Variants in NEBL observed in about 807,000 individuals in gnomAD.
NEBL encodes LIM and SH3 protein 2.
A neutral mutation model predicts 140.2 loss-of-function variants in NEBL; 122 were observed. The ratio of observed to expected loss-of-function variants is 0.87; its 90% CI spans 0.75 to 1.01. The LOEUF (loss-of-function observed/expected upper bound fraction) is 1.01, where lower values mean the gene tolerates loss of function less well. Ranked by LOEUF, NEBL falls within the 50% of genes least tolerant of loss-of-function variation. The probability of loss-of-function intolerance (pLI) is 0.00; values close to 1 mark genes in which losing one functional copy is unlikely to be tolerated. For missense variants in NEBL, 1,365 were observed against 1,231.3 expected, an observed-to-expected ratio of 1.11 and a Z score of -1.62; for synonymous variants, 436 against 398.9, an observed-to-expected ratio of 1.09 and a Z score of -1.11.
chr10:21,123,856 C>T (rs1014398638), intron 2 of NEBL, among the ~76,000 whole-genome samples: 1 of 150,766 alleles, frequency 6.6e-6, no homozygotes, highest in African/African-American at 2.4e-5. Context: ...ACCAATCTAA[C>T]ATTGAAGTTT....
At chr10:21,254,672 T>C (rs1842631989) in intron 1 of NEBL, among the ~76,000 whole-genome samples, 1 of 152,194 alleles carries the variant, frequency 6.6e-6, no homozygotes, top group Non-Finnish European at 1.5e-5. Flanking sequence ...AACCAGCCCC[T>C]AGTTTAAGCA....
At position 20,850,504 on chromosome 10, in the gene NEBL, T is replaced by G. The variant is rs1842401567; in HGVS notation, c.1009-2A>C. The G allele has an allele frequency of 6.4e-7, 1 of 1,572,258 alleles. No individual in the cohort carries two copies. The highest frequency in any genetic ancestry group is 8.8e-7 in the Non-Finnish European group (1 of 1,142,788). On this transcript the variant is annotated splice_acceptor_variant, in intron 10 of 27. Transcript: ENST00000377122. LOFTEE classifies it high-confidence loss of function. ...CTCATATTCTTCTTTATATTTCACC[T>G]TCATTGGAAAAAGAAAAGCATATAC...
chr10:21,239,390 G>C (rs1842405889), intron 3 of NEBL, among the ~76,000 whole-genome samples: 1 of 152,046 alleles, frequency 6.6e-6, no homozygotes, highest in Admixed American at 6.6e-5. Flanking sequence ...CTAGTCAGCT[G>C]CTGCTGACTA....
intron 2 of NEBL, among the ~76,000 whole-genome samples, chr10:21,114,313 AATTG>A (rs1838179843): frequency 6.6e-6 from 1 of 152,010 alleles, no homozygotes; most frequent in Non-Finnish European, 1.5e-5. Flanking sequence ...AATCTTTTTA[AATTG>A]ATTAAGATTT....
intron 4 of NEBL, among the ~76,000 whole-genome samples, chr10:20,926,968 G>C (rs10828153): frequency 0.74 from 112,999 of 152,116 alleles, 42,200 homozygotes; most frequent in Admixed American, 0.83. Flanking sequence ...TGAGTGGGGA[G>C]GAAAAATCAT....
At chr10:21,200,603 C>T (rs1043760148) in intron 3 of NEBL, among the ~76,000 whole-genome samples, 2 of 152,120 alleles carry the variant, frequency 1.3e-5, no homozygotes, top group South Asian at 2.1e-4. Context: ...CGTGAGCCAC[C>T]GCGCCCAACC....
intron 2 of NEBL, among the ~76,000 whole-genome samples, chr10:21,140,462 A>C (rs1057344541): frequency 6.6e-6 from 1 of 152,206 alleles, no homozygotes; most frequent in Non-Finnish European, 1.5e-5. Context: ...TTTATTTACA[A>C]ATACAATTTT....
intron 1 of NEBL, among the ~76,000 whole-genome samples, chr10:21,267,436 TG>T (rs1308429874): frequency 6.6e-6 from 1 of 152,238 alleles, no homozygotes; most frequent in Non-Finnish European, 1.5e-5. Context: ...GTGTCTTATT[TG>T]GATAGTTGGG....
At chr10:21,025,949 A>G (rs1839012203) in intron 2 of NEBL, among the ~76,000 whole-genome samples, 1 of 152,168 alleles carries the variant, frequency 6.6e-6, no homozygotes, top group African/African-American at 2.4e-5. Context: ...TATGGCTACT[A>G]ACTACTACTA....
At chr10:21,216,024 C>T (rs1022346753) in intron 3 of NEBL, among the ~76,000 whole-genome samples, 1 of 152,176 alleles carries the variant, frequency 6.6e-6, no homozygotes, top group African/African-American at 2.4e-5. Flanking sequence ...TACTTCCCAG[C>T]AGGGTCAGTA....
intron 3 of NEBL, chr10:20,961,783 A>G (rs1836060994): frequency 6.2e-7 from 1 of 1,608,638 alleles, no homozygotes; most frequent in African/African-American, 1.3e-5. Flanking sequence ...ACTTGACCTA[A>G]CAAGAAGGGG....
At chr10:20,883,685 A>G (rs1846218288) in intron 4 of NEBL, among the ~76,000 whole-genome samples, 1 of 152,210 alleles carries the variant, frequency 6.6e-6, no homozygotes, top group Non-Finnish European at 1.5e-5. Context: ...TAGACCTACT[A>G]ACATATACTT....
At chr10:21,110,130 T>A (rs1837924622) in intron 2 of NEBL, among the ~76,000 whole-genome samples, 1 of 152,164 alleles carries the variant, frequency 6.6e-6, no homozygotes, top group Non-Finnish European at 1.5e-5. Context: ...TGTTTTCTCC[T>A]GTGGACAATG....
At chr10:21,236,839 C>T (rs1162781653) in intron 3 of NEBL, among the ~76,000 whole-genome samples, 1 of 152,210 alleles carries the variant, frequency 6.6e-6, no homozygotes, top group Non-Finnish European at 1.5e-5. Context: ...AAAGCCTTTA[C>T]TGTAAGTCAG....
chr10:21,019,966 C>T, intron 3 of NEBL: 5 of 735,188 alleles, frequency 6.8e-6, no homozygotes, highest in South Asian at 5.8e-5. Flanking sequence ...ATGTTCAACA[C>T]TTTCACCCGG....
intron 2 of NEBL, among the ~76,000 whole-genome samples, chr10:21,033,010 T>TACAC (rs149596017): frequency 1.3e-5 from 2 of 151,878 alleles, no homozygotes; most frequent in African/African-American, 2.4e-5. Context: ...GAGAAATTAA[T>TACAC]ACACACACAC....
At chr10:21,254,546 C>T (rs933053012) in intron 1 of NEBL, among the ~76,000 whole-genome samples, 10 of 152,102 alleles carry the variant, frequency 6.6e-5, no homozygotes, top group African/African-American at 2.4e-4. Context: ...CAGATTCAAG[C>T]GATTCTTATG....
At chr10:21,071,333 C>G (rs750557778) in intron 2 of NEBL, among the ~76,000 whole-genome samples, 3 of 151,748 alleles carry the variant, frequency 2.0e-5, no homozygotes, top group Non-Finnish European at 4.4e-5. Flanking sequence ...CCCACAAAAC[C>G]CAAAAATGAA....
At chr10:21,192,110 A>C (rs928581779) in intron 3 of NEBL, among the ~76,000 whole-genome samples, 3 of 152,162 alleles carry the variant, frequency 2.0e-5, no homozygotes, top group African/African-American at 7.2e-5. Context: ...GCTTCTTAGT[A>C]GATAAACTCT....
Sources: gnomAD v4.1 joint callset for allele counts (sites outside exome capture counted in the v4.1 genomes callset) on GRCh38, gnomAD v4.1.1 for gene constraint, MANE v1.5 for transcripts, NCBI Gene and HGNC (gene_info 2026-07-23, HGNC 2026-07-21) for gene names.